The following MACC1 variants were observed in gnomAD, a reference collection of about 807,000 sequenced individuals.
MACC1 encodes the protein MET transcriptional regulator MACC1.
MACC1 carries 79 observed loss-of-function variants against 70.7 expected under a neutral mutation model. That is an observed-to-expected ratio of 1.12 (90% CI 0.93 to 1.35). MACC1 has a LOEUF of 1.35. MACC1 is among the 40% of genes most tolerant of loss of function. The pLI is 0.00. For missense variants in MACC1, 1,106 were observed against 978.1 expected (o/e 1.13, Z -1.74); for synonymous variants, 361 against 347.2 (o/e 1.04, Z -0.44).
At chr7:20,163,148 C>T (rs1206116640) in intron 3 of MACC1, among the ~76,000 whole-genome samples, 7 of 151,858 alleles carry the variant, frequency 4.6e-5, no homozygotes, top group Non-Finnish European at 1.0e-4. Context: ...AAAATGGAAA[C>T]ACAATGGCCC....
chr7:20,188,292 C>T (rs1278198850), intron 1 of MACC1, among the ~76,000 whole-genome samples: 1 of 152,126 alleles, frequency 6.6e-6, no homozygotes, highest in Non-Finnish European at 1.5e-5. Context: ...TTTTGACTTC[C>T]TGTATTTGAA....
intron 1 of MACC1, among the ~76,000 whole-genome samples, chr7:20,207,860 T>G (rs188408141): frequency 1.3e-3 from 194 of 152,354 alleles, no homozygotes; most frequent in Middle Eastern, 0.01. Context: ...TGATATGGTT[T>G]GGCTGTGTCC....
chr7:20,184,171 T>A (rs1782551785), intron 1 of MACC1, among the ~76,000 whole-genome samples: 1 of 152,226 alleles, frequency 6.6e-6, no homozygotes, highest in Admixed American at 6.5e-5. Flanking sequence ...GTGGTTTTTT[T>A]ACATGGTTGA....
chr7:20,149,707 C>T (rs1696089989), intron 6 of MACC1, among the ~76,000 whole-genome samples: 1 of 152,162 alleles, frequency 6.6e-6, no homozygotes, highest in South Asian at 2.1e-4. Flanking sequence ...CACATCTTCT[C>T]AGTGGTCCCT....
intron 1 of MACC1, among the ~76,000 whole-genome samples, chr7:20,183,990 G>A (rs1782549376): frequency 1.3e-5 from 2 of 152,126 alleles, no homozygotes; most frequent in Admixed American, 6.6e-5. Context: ...TTACAGGCAT[G>A]AGCCACCACA....
chr7:20,209,454 G>A (rs937354974), intron 1 of MACC1, among the ~76,000 whole-genome samples: 1 of 152,224 alleles, frequency 6.6e-6, no homozygotes, highest in African/African-American at 2.4e-5. Flanking sequence ...GTTAATGACT[G>A]CCCTACTGGA....
At chr7:20,160,794 A>C (rs1007981614) in intron 4 of MACC1, among the ~76,000 whole-genome samples, 4 of 152,112 alleles carry the variant, frequency 2.6e-5, no homozygotes, top group Admixed American at 6.5e-5. Flanking sequence ...TTAAAACAAT[A>C]TGCTAAGTTA....
chr7:20,172,725 A>G (rs1782327266), intron 1 of MACC1, among the ~76,000 whole-genome samples: 1 of 152,204 alleles, frequency 6.6e-6, no homozygotes, highest in Non-Finnish European at 1.5e-5. Context: ...CCCATCACTT[A>G]ACCGCCCAAA....
intron 2 of MACC1, among the ~76,000 whole-genome samples, chr7:20,165,474 C>G (rs2128103659): frequency 6.6e-6 from 1 of 152,146 alleles, no homozygotes; most frequent in Non-Finnish European, 1.5e-5. Flanking sequence ...ATCCCTCCAT[C>G]CCTCACAGTA....
chr7:20,168,158 C>G (rs1782249646), intron 2 of MACC1, among the ~76,000 whole-genome samples: 1 of 151,964 alleles, frequency 6.6e-6, no homozygotes. Context: ...AACATACCCA[C>G]AACACACATG....
chr7:20,159,837 C>A lies in MACC1; in HGVS notation c.524G>T (p.Arg175Leu), dbSNP rs201244690. 6.2e-7 allele frequency: 1 copy of A among 1,613,986 alleles called. No homozygotes were observed. Residue 175 changes from arginine to leucine, a missense_variant, in exon 5 of 7, where the codon CGG (arginine) becomes CTG (leucine). Physicochemically the swap from Arg to Leu is moderately radical, Grantham distance 102. Transcript: ENST00000400331. ...LHDLEWLKNDREAYKMAWLSQ... is the reference protein window; with the variant it reads ...LHDLEWLKNDLEAYKMAWLSQ... ...TAACCAAGCCATTTTATAAGCCTCC[C>A]GATCATTTTTAAGCCACTCTAAGTC... is the stretch of plus-strand genomic sequence containing the variant.
intron 1 of MACC1, among the ~76,000 whole-genome samples, chr7:20,191,482 GT>G (rs79203841): frequency 0.33 from 49,751 of 151,938 alleles, 9,410 homozygotes; most frequent in East Asian, 0.82. Context: ...TGATGAGGAG[GT>G]GCTGCTCTGT....
intron 1 of MACC1, among the ~76,000 whole-genome samples, chr7:20,172,468 TATAA>T (rs1782323275): frequency 6.6e-6 from 1 of 152,174 alleles, no homozygotes; most frequent in South Asian, 2.1e-4. Flanking sequence ...AAATAAAATA[TATAA>T]ATATATATAC....
intron 1 of MACC1, among the ~76,000 whole-genome samples, chr7:20,186,682 T>C (rs186718930): frequency 6.6e-6 from 1 of 151,926 alleles, no homozygotes; most frequent in Admixed American, 6.6e-5. Flanking sequence ...AAAGGAAGAA[T>C]GAACTTATAA....
rs1782181470 is a variant in MACC1, at chr7:20,164,327, C to A, written c.-80G>T. The A allele has an allele frequency of 6.6e-6, 1 of 152,124 alleles. No homozygotes were observed. Among genetic ancestry groups the A allele is most frequent in the South Asian group, 2.1e-4 (1 of 4,820 alleles). The allele number at this position is 152,124 out of a possible 1,614,324, so 9.4% of individuals were successfully genotyped here. ...ACCCCTCCTTCTTTATTGTTATACTCTTCTTTCTAATTCTTGATTTTTTTC... is the reference window on the plus strand; with the variant it reads ...ACCCCTCCTTCTTTATTGTTATACTATTCTTTCTAATTCTTGATTTTTTTC... On this transcript the variant is annotated 5_prime_UTR_variant, in exon 3 of 7. Coordinates refer to ENST00000400331, the MANE Select transcript of MACC1 (RefSeq NM_182762.4).
intron 1 of MACC1, among the ~76,000 whole-genome samples, chr7:20,182,689 G>T (rs1782528787): frequency 6.6e-6 from 1 of 152,050 alleles, no homozygotes. Flanking sequence ...CTGTTTGTAA[G>T]TTTCCCCCAT....
intron 1 of MACC1, among the ~76,000 whole-genome samples, chr7:20,196,745 T>C (rs1382998899): frequency 1.3e-5 from 2 of 152,144 alleles, no homozygotes; most frequent in Admixed American, 6.5e-5. Context: ...ATATCTATCA[T>C]GCATGGAGAA....
chr7:20,171,706 C>T (rs185655540), intron 1 of MACC1, among the ~76,000 whole-genome samples: 1 of 151,662 alleles, frequency 6.6e-6, no homozygotes, highest in Non-Finnish European at 1.5e-5. Context: ...CTCAGCCTCC[C>T]ATGTAGCTGG....
chr7:20,152,430 G>A (rs903401884), intron 6 of MACC1, among the ~76,000 whole-genome samples: 1 of 152,242 alleles, frequency 6.6e-6, no homozygotes, highest in South Asian at 2.1e-4. Flanking sequence ...TATTTTTTAG[G>A]AGGTTGGAAA....
Sources: gnomAD v4.1 joint callset for allele counts (sites outside exome capture counted in the v4.1 genomes callset) on GRCh38, gnomAD v4.1.1 for gene constraint, MANE v1.5 for transcripts, NCBI Gene and HGNC (gene_info 2026-07-23, HGNC 2026-07-21) for gene names.